Variants in RPS6KB1 observed in about 807,000 individuals in gnomAD.
RPS6KB1 encodes ribosomal protein S6 kinase beta-1.
In RPS6KB1, 12 loss-of-function variants were observed where a neutral mutation model predicts 70.2. The observed-to-expected ratio is 0.17, with a 90% CI of 0.11 to 0.28. The LOEUF is 0.28. Among genes scored for constraint, RPS6KB1 ranks in the 10% least tolerant of loss-of-function variants. The pLI, the probability that RPS6KB1 is intolerant of heterozygous loss-of-function variation, is 1.00. For synonymous variants in RPS6KB1, 175 were observed against 211.2 expected (o/e 0.83, Z 1.49); for missense variants, 270 against 646.6 (o/e 0.42, Z 6.32).
chr17:59,916,998 A>G (rs569248709), intron 4 of RPS6KB1, among the ~76,000 whole-genome samples: 2 of 152,284 alleles, frequency 1.3e-5, no homozygotes, highest in Non-Finnish European at 2.9e-5. Context: ...GTGCTTTGGC[A>G]TTCTGATTCC....
chr17:59,926,878 G>C, intron 5 of RPS6KB1, among the ~76,000 whole-genome samples: 1 of 151,946 alleles, frequency 6.6e-6, no homozygotes, highest in Non-Finnish European at 1.5e-5. Flanking sequence ...ATTGTAGTGG[G>C]GTAAGATACT....
chr17:59,938,566 C>G (rs955343954), intron 12 of RPS6KB1, among the ~76,000 whole-genome samples: 1 of 151,992 alleles, frequency 6.6e-6, no homozygotes. Context: ...CTGATGTTAT[C>G]CCCATAGTTT....
At chr17:59,919,535 A>T (rs936282533) in intron 4 of RPS6KB1, among the ~76,000 whole-genome samples, 1 of 152,130 alleles carries the variant, frequency 6.6e-6, no homozygotes, top group Admixed American at 6.6e-5. Flanking sequence ...AAGTTCTGCC[A>T]TTCATTTGCC....
rs1397012280 is a variant in RPS6KB1, at chr17:59,934,237, A to G, written c.756A>G (p.Thr252=). Residue 252 remains threonine, a synonymous_variant, in exon 8 of 15, where the codon ACA becomes ACG. Transcript: ENST00000225577. The surrounding 1 kb of genome is among the most constrained non-coding windows in gnomAD (Gnocchi z 4.8). The part of the protein sequence containing the change: ...ESIHDGTVTH[T]FCGTIEYMAP... ...TTCATGATGGAACAGTCACACACAC[A>G]TTTTGTGGAACAATAGAATACATGT... 6.2e-6 allele frequency: 10 copies of G among 1,611,562 alleles called. No individual in the cohort carries two copies. Among genetic ancestry groups the G allele is most frequent in the Non-Finnish European group, 8.5e-6 (10 of 1,177,856 alleles).
At chr17:59,897,258 TC>T (rs2041617622) in intron 1 of RPS6KB1, among the ~76,000 whole-genome samples, 1 of 152,190 alleles carries the variant, frequency 6.6e-6, no homozygotes, top group African/African-American at 2.4e-5. Flanking sequence ...TGGAGTAAAT[TC>T]CTTAATCTCT....
intron 5 of RPS6KB1, among the ~76,000 whole-genome samples, chr17:59,927,834 A>G (rs1182947619): frequency 6.6e-6 from 1 of 151,516 alleles, no homozygotes; most frequent in Non-Finnish European, 1.5e-5. Flanking sequence ...ACATAATTTC[A>G]TACTTAACAC....
Position 59,947,633 on chromosome 17 carries a change from G to A in RPS6KB1, c.*845G>A, listed in dbSNP as rs1185556694. The A allele has an allele frequency of 1.3e-5, 15 of 1,159,790 alleles. No individual in the cohort carries two copies. The highest frequency in any genetic ancestry group is 1.3e-4 in the East Asian group (5 of 39,810). The allele number at this position is 1,159,790 out of a possible 1,614,324, so 71.8% of individuals were successfully genotyped here. The stretch of plus-strand genomic sequence containing the variant: ...ACTGGAAGCCTTGGAATGGGCATAA[G>A]TTGTATGTCCTACATTTCATCATTG... On this transcript the variant is annotated 3_prime_UTR_variant, in exon 15 of 15. Transcript: ENST00000225577.
intron 1 of RPS6KB1, among the ~76,000 whole-genome samples, chr17:59,898,849 T>C (rs1039743833): frequency 5.3e-5 from 8 of 151,868 alleles, no homozygotes; most frequent in African/African-American, 1.9e-4. Flanking sequence ...TCAATCCTAA[T>C]GAACACAGCA....
chr17:59,936,107 A>G (rs1377168848), intron 10 of RPS6KB1, 108 bp from the exon 11 acceptor site: 4 of 1,004,628 alleles, frequency 4.0e-6, no homozygotes, highest in Non-Finnish European at 6.0e-6. Context: ...GTGCCTGGCC[A>G]ATAAACTATA....
chr17:59,896,297 G>A (rs1044849007), intron 1 of RPS6KB1, among the ~76,000 whole-genome samples: 21 of 151,846 alleles, frequency 1.4e-4, no homozygotes, highest in Non-Finnish European at 2.4e-4. Flanking sequence ...GGGTTCAAGC[G>A]ATTCTCCTGC....
chr17:59,893,138 C>G lies in RPS6KB1; in HGVS notation c.-47C>G. 2 of 1,593,828 alleles carry G rather than the reference C, an allele frequency of 1.3e-6. No homozygotes were observed. The highest frequency in any genetic ancestry group is 1.1e-5 in the South Asian group (1 of 88,028). On this transcript the variant is annotated 5_prime_UTR_variant, in exon 1 of 15. Transcript: ENST00000225577. This position sits in a 1 kb window ranked among gnomAD's most constrained non-coding sequence, Gnocchi z 4.1. ...GCGCAGACGCACTGAGCCTAAGCAGCCGGTGATGGCGGCAGCGGCTGTGGT... is the reference window on the plus strand; with the variant it reads ...GCGCAGACGCACTGAGCCTAAGCAGGCGGTGATGGCGGCAGCGGCTGTGGT...
intron 4 of RPS6KB1, among the ~76,000 whole-genome samples, chr17:59,915,775 C>CTTTTTTTTTTTT (rs71370143): frequency 5.4e-4 from 42 of 77,904 alleles, no homozygotes; most frequent in African/African-American, 8.9e-4. Flanking sequence ...CTACTGCTAT[C>CTTTTTTTTTTTT]TTTTTTTTTT....
intron 5 of RPS6KB1, among the ~76,000 whole-genome samples, chr17:59,929,574 A>T (rs535298872): frequency 1.1e-4 from 16 of 152,142 alleles, no homozygotes; most frequent in Non-Finnish European, 2.4e-4. Flanking sequence ...TATTTATGTC[A>T]TTGTGGACTT....
chr17:59,934,068 A>G lies in RPS6KB1; in HGVS notation c.689-102A>G. 1.2e-6 allele frequency: 1 copy of G among 819,292 alleles called. No individual in the cohort carries two copies. The highest frequency in any genetic ancestry group is 2.0e-6 in the Non-Finnish European group (1 of 489,400). 50.8% of individuals were successfully genotyped at this position (819,292 alleles called of 1,614,324 possible). A position where few individuals can be genotyped will look rare whatever the true frequency, so the allele number is the denominator to read the frequency against. ...CATCTGCAAGAAAATTTGAGGCAAG[A>G]AAAGTTAAATGGAAGGATAGATTAA... On this transcript the variant is annotated intron_variant, in intron 7 of 14. Transcript: ENST00000225577. This position sits in a 1 kb window ranked among gnomAD's most constrained non-coding sequence, Gnocchi z 4.8.
chr17:59,919,629 A>G (rs1317619726), intron 4 of RPS6KB1, among the ~76,000 whole-genome samples: 1 of 151,988 alleles, frequency 6.6e-6, no homozygotes, highest in African/African-American at 2.4e-5. Flanking sequence ...TCGAGTTTTT[A>G]CATTAGTACT....
intron 4 of RPS6KB1, among the ~76,000 whole-genome samples, chr17:59,923,297 T>C (rs1029931831): frequency 6.6e-6 from 1 of 152,026 alleles, no homozygotes; most frequent in Non-Finnish European, 1.5e-5. Context: ...GTTCCAGTCA[T>C]TCTCGTGCCT....
At chr17:59,935,849 G>A (rs188834592) in intron 10 of RPS6KB1, among the ~76,000 whole-genome samples, 127 of 150,766 alleles carry the variant, frequency 8.4e-4, no homozygotes, top group African/African-American at 2.6e-3. Flanking sequence ...TTGCTCTGTC[G>A]TCCAGGCTGG....
chr17:59,916,380 G>A (rs117428969), intron 4 of RPS6KB1, among the ~76,000 whole-genome samples: 6,288 of 152,296 alleles, frequency 0.041, 180 homozygotes, highest in Non-Finnish European at 0.061. Flanking sequence ...GATTACAGGC[G>A]TGAGCCACCG....
intron 7 of RPS6KB1, among the ~76,000 whole-genome samples, chr17:59,933,149 G>A (rs2044035368): frequency 6.6e-6 from 1 of 151,382 alleles, no homozygotes; most frequent in Non-Finnish European, 1.5e-5. Context: ...AGAAAATGAT[G>A]TATGAACAAC....
Sources: allele counts gnomAD v4.1 joint callset (sites outside exome capture counted in the v4.1 genomes callset), GRCh38; gene constraint gnomAD v4.1.1; non-coding constraint Gnocchi (gnomAD v3.1); transcripts MANE v1.5; gene names NCBI Gene and HGNC (gene_info 2026-07-23, HGNC 2026-07-21).